NECAB1: variants seen among roughly 807,000 people sequenced by gnomAD.
NECAB1 encodes the protein N-terminal EF-hand calcium binding protein 1.
NECAB1 carries 29 observed loss-of-function variants against 57.5 expected under a neutral mutation model. That is an observed-to-expected ratio of 0.50 (90% CI 0.38 to 0.69). The LOEUF is 0.69. Among genes scored for constraint, NECAB1 ranks in the 30% least tolerant of loss-of-function variants. The pLI, the probability that NECAB1 is intolerant of heterozygous loss-of-function variation, is 0.00. For synonymous variants in NECAB1, 142 were observed against 147.7 expected, an observed-to-expected ratio of 0.96 and a Z score of 0.28; for missense variants, 372 against 413.8, an observed-to-expected ratio of 0.90 and a Z score of 0.88.
rs556380360 is a variant in NECAB1 at position 90,912,639 on chromosome 8, AC to A, written c.358-4851del. Among the ~76,000 whole-genome samples, 142 of 152,138 alleles carry A rather than the reference AC, an allele frequency of 9.3e-4. 1 individual carries two copies. The highest frequency in any genetic ancestry group is 3.3e-3 in the African/African-American group (135 of 41,496). ...GGTTTGCAAAGACTAGCTGGAATTA[AC>A]CTCTGTCCATTATTAGGACAAGTAA... On this transcript the variant is annotated intron_variant, in intron 5 of 12. Transcript: ENST00000417640.
At chr8:90,888,161 T>C (rs1809055843) in intron 5 of NECAB1, among the ~76,000 whole-genome samples, 1 of 152,244 alleles carries the variant, frequency 6.6e-6, no homozygotes, top group South Asian at 2.1e-4. Flanking sequence ...GGATTTTCTT[T>C]TATTTATCTT....
intron 9 of NECAB1, among the ~76,000 whole-genome samples, chr8:90,939,546 A>G (rs1046684610): frequency 5.9e-5 from 9 of 152,318 alleles, no homozygotes; most frequent in African/African-American, 2.2e-4. Flanking sequence ...ATGATGGAAT[A>G]GGTGGATGTA....
At position 90,958,965 on chromosome 8, in the gene NECAB1, A is replaced by G. The variant is rs1466960544; in HGVS notation, c.*3453A>G. On this transcript the variant is annotated 3_prime_UTR_variant, in exon 13 of 13. Coordinates refer to ENST00000417640, the MANE Select transcript of NECAB1 (RefSeq NM_022351.5). ...CAGTTATTGTTGCTAGATCCACCTC[A>G]TTTGCAGATGTCCAAACTTAAATTC... The G allele has an allele frequency of 7.6e-7, 1 of 1,319,906 alleles. No individual in the cohort carries two copies. The highest frequency in any genetic ancestry group is 2.4e-5 in the Admixed American group (1 of 42,072). The allele number at this position is 1,319,906 out of a possible 1,614,324, so 81.8% of individuals were successfully genotyped here. A position where few individuals can be genotyped will look rare whatever the true frequency, so the allele number is the denominator to read the frequency against.
At chr8:90,883,354 A>G (rs1245531901) in intron 5 of NECAB1, among the ~76,000 whole-genome samples, 11 of 152,210 alleles carry the variant, frequency 7.2e-5, no homozygotes, top group Admixed American at 7.2e-4. Context: ...ACGTTTCTCA[A>G]GCCACTGTTG....
In NECAB1 at chr8:90,940,867, G is replaced by A. The variant is rs998068223; in HGVS notation, c.829G>A (p.Glu277Lys). 2.6e-6 allele frequency: 4 copies of A among 1,561,152 alleles called. No individual in the cohort carries two copies. In the African/African-American group the frequency reaches 5.4e-5, roughly 21 times the overall value. Reference protein sequence around the residue: ...EFQLALKHYVESASSQSGCLR... With the variant: ...EFQLALKHYVKSASSQSGCLR... Reference sequence around the variant, plus strand: ...CCAGCTCGCTCTGAAACACTACGTGGAGAGTGCTTCCTCCCAAAGTGGATG... The same window carrying A: ...CCAGCTCGCTCTGAAACACTACGTGAAGAGTGCTTCCTCCCAAAGTGGATG... The change falls in exon 10 of 13, where the codon GAG (glutamate) becomes AAG (lysine). Residue 277 changes from glutamate to lysine, a missense_variant. Physicochemically the swap from Glu to Lys is moderately conservative, Grantham distance 56 (BLOSUM62 1). Transcript: ENST00000417640.
Position 90,875,410 on chromosome 8 carries a change from A to G in NECAB1, c.259+3257A>G, listed in dbSNP as rs558124523. 6.0e-3 allele frequency among the ~76,000 whole-genome samples: 851 copies of G among 141,782 alleles called. 3 individuals carry two copies. The highest frequency in any genetic ancestry group is 9.4e-3 in the Non-Finnish European group (624 of 66,212). 93.0% of individuals were successfully genotyped at this position (141,782 alleles called of 152,430 possible). A position where few individuals can be genotyped will look rare whatever the true frequency, so the allele number is the denominator to read the frequency against. On this transcript the variant is annotated intron_variant, in intron 4 of 12. Coordinates refer to ENST00000417640, the MANE Select transcript of NECAB1 (RefSeq NM_022351.5). ...ACAGGAGAATGGTGTGAACCCGGGAAGCGGAGCTTGCAGTGAGCCGAGATT... is the reference window on the plus strand; with the variant it reads ...ACAGGAGAATGGTGTGAACCCGGGAGGCGGAGCTTGCAGTGAGCCGAGATT...
chr8:90,822,858 TTTTC>T (rs1464494258), intron 2 of NECAB1, among the ~76,000 whole-genome samples: 3 of 144,408 alleles, frequency 2.1e-5, no homozygotes, highest in East Asian at 1.9e-4. Flanking sequence ...GTTTTTTCTT[TTTTC>T]TTTATTTTTT....
intron 5 of NECAB1, among the ~76,000 whole-genome samples, chr8:90,895,419 A>G (rs1809300302): frequency 6.6e-6 from 1 of 152,214 alleles, no homozygotes; most frequent in Non-Finnish European, 1.5e-5. Context: ...AGCAAAAAAG[A>G]AACAAACCAA....
chr8:90,957,167 G>T lies in NECAB1; in HGVS notation c.*1655G>T, dbSNP rs1451760781. The T allele has an allele frequency of 6.6e-6, 1 of 151,964 alleles. No homozygotes were observed. The highest frequency in any genetic ancestry group is 1.5e-5 in the Non-Finnish European group (1 of 67,938). 9.4% of individuals were successfully genotyped at this position (151,964 alleles called of 1,614,324 possible). On this transcript the variant is annotated 3_prime_UTR_variant, in exon 13 of 13. Coordinates refer to ENST00000417640, the MANE Select transcript of NECAB1 (RefSeq NM_022351.5). ...ACATAACAGTCTCTGCAGACTGATT[G>T]TATATAGTAAGAAAAGATCAAAAGA... is the stretch of plus-strand genomic sequence containing the variant.
intron 5 of NECAB1, among the ~76,000 whole-genome samples, chr8:90,897,638 A>C (rs953425970): frequency 6.6e-6 from 1 of 152,270 alleles, no homozygotes; most frequent in Admixed American, 6.5e-5. Flanking sequence ...AAACAAAGTA[A>C]AACAAAAAAC....
chr8:90,868,891 T>C (rs1808567281), intron 3 of NECAB1, among the ~76,000 whole-genome samples: 1 of 152,222 alleles, frequency 6.6e-6, no homozygotes, highest in Admixed American at 6.5e-5. Flanking sequence ...CCAGGGTATT[T>C]CAGAGACCTT....
intron 3 of NECAB1, among the ~76,000 whole-genome samples, chr8:90,837,507 A>AT (rs779150397): frequency 1.3e-5 from 2 of 152,274 alleles, no homozygotes; most frequent in East Asian, 1.9e-4. Flanking sequence ...TATTTCTAGG[A>AT]TTTTCCATTT....
At chr8:90,883,262 A>G (rs969732604) in intron 5 of NECAB1, among the ~76,000 whole-genome samples, 4 of 152,184 alleles carry the variant, frequency 2.6e-5, no homozygotes, top group Non-Finnish European at 4.4e-5. Context: ...AGGAAAAAGA[A>G]AAAAAAGAAA....
intron 5 of NECAB1, 74 bp from the exon 6 acceptor site, chr8:90,917,418 G>T: frequency 7.4e-7 from 1 of 1,351,908 alleles, no homozygotes; most frequent in Non-Finnish European, 9.7e-7. Flanking sequence ...TGGGTACATG[G>T]TAAAAGAAAA....
rs779086895 is a variant in NECAB1 at position 90,928,285 on chromosome 8, A to G, written c.679A>G (p.Arg227Gly). Residue 227 changes from arginine to glycine, a missense_variant, in exon 8 of 13, where the codon AGA becomes GGA. Coordinates refer to ENST00000417640, the MANE Select transcript of NECAB1 (RefSeq NM_022351.5). ...QINRLQKLIDRLEKKDLKLEP... is the reference protein window; with the variant it reads ...QINRLQKLIDGLEKKDLKLEP... ...AAATAGACTCCAGAAATTAATTGAT[A>G]GACTGGAAAAGAAGGTAGGTGCTTT... The G allele has an allele frequency of 1.2e-6, 2 of 1,606,372 alleles. No homozygotes were observed. The highest frequency in any genetic ancestry group is 2.2e-5 in the South Asian group (2 of 90,194).
At chr8:90,951,678 A>G (rs1810926219) in intron 12 of NECAB1, among the ~76,000 whole-genome samples, 1 of 152,260 alleles carries the variant, frequency 6.6e-6, no homozygotes, top group East Asian at 1.9e-4. Context: ...GGGAGCTACA[A>G]AGGGTACAAA....
At chr8:90,932,060 AAGGATGTAATTC>A (rs1810423751) in intron 8 of NECAB1, among the ~76,000 whole-genome samples, 1 of 152,182 alleles carries the variant, frequency 6.6e-6, no homozygotes, top group African/African-American at 2.4e-5. Flanking sequence ...TCTCATTTGA[AAGGATGTAATTC>A]AGGATGTCAC....
intron 5 of NECAB1, among the ~76,000 whole-genome samples, chr8:90,894,031 G>A (rs1563521985): frequency 6.6e-6 from 1 of 152,034 alleles, no homozygotes; most frequent in Non-Finnish European, 1.5e-5. Context: ...GATAGGCATA[G>A]GTGAGTAATA....
intron 2 of NECAB1, among the ~76,000 whole-genome samples, chr8:90,824,276 A>T (rs1354179475): frequency 1.3e-5 from 2 of 151,864 alleles, no homozygotes; most frequent in Admixed American, 1.3e-4. Flanking sequence ...TTGTTAGACT[A>T]TAATAACAAC....
Sources: allele counts gnomAD v4.1 joint callset (sites outside exome capture counted in the v4.1 genomes callset), GRCh38; gene constraint gnomAD v4.1.1; transcripts MANE v1.5; gene names NCBI Gene and HGNC (gene_info 2026-07-23, HGNC 2026-07-21).